Variants in FOXP1 observed in about 807,000 individuals in gnomAD.
FOXP1 encodes the protein forkhead box P1, also known as forkhead box protein P1.
In FOXP1, 15 loss-of-function variants were observed where a neutral mutation model predicts 98.2. The ratio of observed to expected loss-of-function variants is 0.15; its 90% CI spans 0.10 to 0.24. The LOEUF (loss-of-function observed/expected upper bound fraction) is 0.24, where lower values mean the gene tolerates loss of function less well. Among genes scored for constraint, FOXP1 ranks in the 10% least tolerant of loss-of-function variants. FOXP1 has a pLI of 1.00. For synonymous variants in FOXP1, 371 were observed against 314.5 expected, an observed-to-expected ratio of 1.18 and a Z score of -1.90; for missense variants, 633 against 848.5, an observed-to-expected ratio of 0.75 and a Z score of 3.15.
chr3:71,104,775 G>A (rs1052420750), intron 7 of FOXP1, among the ~76,000 whole-genome samples: 3 of 152,172 alleles, frequency 2.0e-5, no homozygotes, highest in South Asian at 2.1e-4. Context: ...ATTACCGGAC[G>A]CTGGAAACTT....
rs779347687 is a variant in FOXP1 at position 70,988,054 on chromosome 3, C to T, written c.1086G>A (p.Leu362=). 1 of 1,614,006 alleles carries T rather than the reference C, an allele frequency of 6.2e-7. No individual in the cohort carries two copies. The highest frequency in any genetic ancestry group is 1.3e-5 in the African/African-American group (1 of 74,906). Residue 362 remains leucine (L), a synonymous_variant, in exon 14 of 21, where the codon CTG becomes CTA. Transcript: ENST00000649528. ...CATGCAGGTGGGTCATCATGGCTTG[C>T]AGGCGTTCTTTGTCTTTTGCAAGCT... ...ELQLAKDKER[L]QAMMTHLHVK...
At chr3:71,396,991 TATAC>T (rs2081477846) in intron 3 of FOXP1, among the ~76,000 whole-genome samples, 1 of 76,658 alleles carries the variant, frequency 1.3e-5, no homozygotes, top group African/African-American at 6.2e-5. Flanking sequence ...TGTGTATATA[TATAC>T]ACATATATAT....
intron 2 of FOXP1, among the ~76,000 whole-genome samples, chr3:71,526,210 A>C (rs1052455051): frequency 6.6e-6 from 1 of 152,272 alleles, no homozygotes; most frequent in East Asian, 1.9e-4. Context: ...CAATGACCAA[A>C]ATTATGGCCA....
intron 19 of FOXP1, chr3:70,969,667 C>G (rs917049198): frequency 1.3e-5 from 2 of 151,762 alleles, no homozygotes; most frequent in African/African-American, 4.8e-5. Flanking sequence ...TTTTGTTTCT[C>G]TCTTTCTGCC....
chr3:71,436,323 T>C (rs1365501896), intron 3 of FOXP1, among the ~76,000 whole-genome samples: 1 of 152,118 alleles, frequency 6.6e-6, no homozygotes, highest in Non-Finnish European at 1.5e-5. Flanking sequence ...AGATGCAGCC[T>C]GGTATAAGCC....
At chr3:71,308,252 T>G (rs993409987) in intron 4 of FOXP1, among the ~76,000 whole-genome samples, 1 of 152,114 alleles carries the variant, frequency 6.6e-6, no homozygotes, top group Non-Finnish European at 1.5e-5. Flanking sequence ...AAGCCAATTA[T>G]CAGTGGAAAA....
At chr3:71,122,591 C>T (rs1355250002) in intron 6 of FOXP1, among the ~76,000 whole-genome samples, 1 of 152,200 alleles carries the variant, frequency 6.6e-6, no homozygotes, top group African/African-American at 2.4e-5. Flanking sequence ...AATAAAAACA[C>T]TGTATTGAAT....
chr3:71,483,026 G>T (rs182822893), intron 3 of FOXP1, among the ~76,000 whole-genome samples: 159 of 151,776 alleles, frequency 1.0e-3, no homozygotes, highest in African/African-American at 3.6e-3. Flanking sequence ...TTTTTGTAGA[G>T]ATGGGGTCTC....
intron 5 of FOXP1, among the ~76,000 whole-genome samples, chr3:71,297,145 G>A (rs1410831545): frequency 6.6e-6 from 1 of 152,152 alleles, no homozygotes; most frequent in African/African-American, 2.4e-5. Context: ...AACAACTATA[G>A]AGACTGAGCA....
intron 6 of FOXP1, among the ~76,000 whole-genome samples, chr3:71,149,763 T>TATATGCA (rs1160402622): frequency 2.6e-5 from 4 of 152,202 alleles, no homozygotes; most frequent in African/African-American, 9.7e-5. Flanking sequence ...TTTTCATCCA[T>TATATGCA]ATATGCAATC....
At chr3:71,029,206 A>C (rs1414016655) in intron 11 of FOXP1, among the ~76,000 whole-genome samples, 1 of 152,170 alleles carries the variant, frequency 6.6e-6, no homozygotes, top group Admixed American at 6.5e-5. Context: ...TGAACATTTC[A>C]TGTAGTCTCT....
chr3:71,329,003 A>AAAAAAAAC (rs2076116698), intron 4 of FOXP1, among the ~76,000 whole-genome samples: 1 of 143,846 alleles, frequency 7.0e-6, no homozygotes, highest in Non-Finnish European at 1.5e-5. Context: ...AAAAAAAAAA[A>AAAAAAAAC]CTGACAGTTT....
intron 3 of FOXP1, among the ~76,000 whole-genome samples, chr3:71,379,510 G>C (rs542806327): frequency 1.3e-5 from 2 of 151,998 alleles, no homozygotes; most frequent in African/African-American, 4.8e-5. Context: ...CATACCAGGG[G>C]TCAGCAAATT....
At chr3:71,081,941 C>T (rs563940158) in intron 7 of FOXP1, among the ~76,000 whole-genome samples, 2 of 152,328 alleles carry the variant, frequency 1.3e-5, no homozygotes, top group African/African-American at 4.8e-5. Context: ...GCACAATAGC[C>T]AATGTGGCTA....
At chr3:71,364,616 TATAAA>T (rs2078793054) in intron 3 of FOXP1, among the ~76,000 whole-genome samples, 1 of 152,220 alleles carries the variant, frequency 6.6e-6, no homozygotes, top group South Asian at 2.1e-4. Context: ...CTGCTGCTAT[TATAAA>T]AGAAAAAATC....
intron 2 of FOXP1, among the ~76,000 whole-genome samples, chr3:71,509,454 T>C (rs1178909974): frequency 6.6e-6 from 1 of 152,160 alleles, no homozygotes; most frequent in Non-Finnish European, 1.5e-5. Context: ...ATCCTAATGA[T>C]CTCATTTTTA....
intron 6 of FOXP1, among the ~76,000 whole-genome samples, chr3:71,114,884 G>A (rs567083474): frequency 2.0e-5 from 3 of 152,286 alleles, no homozygotes; most frequent in South Asian, 2.1e-4. Context: ...CAGTACATGC[G>A]TAGGTGTAAA....
At chr3:71,162,001 T>C (rs1399722452) in intron 6 of FOXP1, among the ~76,000 whole-genome samples, 1 of 152,180 alleles carries the variant, frequency 6.6e-6, no homozygotes, top group East Asian at 1.9e-4. Flanking sequence ...TCCCTTAGTA[T>C]AGATAAGTTT....
At chr3:71,514,988 A>G (rs1428228595) in intron 2 of FOXP1, among the ~76,000 whole-genome samples, 1 of 152,262 alleles carries the variant, frequency 6.6e-6, no homozygotes, top group Non-Finnish European at 1.5e-5. Flanking sequence ...AGGCAACTTC[A>G]AAAGAAAAAT....
Sources: allele counts gnomAD v4.1 joint callset (sites outside exome capture counted in the v4.1 genomes callset), GRCh38; gene constraint gnomAD v4.1.1; transcripts MANE v1.5; gene names NCBI Gene and HGNC (gene_info 2026-07-23, HGNC 2026-07-21).